NCALD: variants seen among roughly 807,000 people sequenced by gnomAD.
NCALD encodes the protein neurocalcin delta.
In NCALD, 10 loss-of-function variants were observed where a neutral mutation model predicts 18.6. That is an observed-to-expected ratio of 0.54 (90% CI 0.33 to 0.91). NCALD has a LOEUF of 0.91. NCALD is among the 40% of genes least tolerant of loss of function. NCALD has a pLI of 0.03. For missense variants in NCALD, 184 were observed against 247.6 expected (o/e 0.74, Z 1.72); for synonymous variants, 88 against 87.4 (o/e 1.01, Z -0.04).
At chr8:102,084,610 C>T (rs931919153) in intron 1 of NCALD, among the ~76,000 whole-genome samples, 1 of 152,132 alleles carries the variant, frequency 6.6e-6, no homozygotes. Flanking sequence ...GGGAGGGGCG[C>T]CACACGCAAT....
At chr8:101,852,073 A>G (rs574197816) in intron 4 of NCALD, among the ~76,000 whole-genome samples, 5 of 152,130 alleles carry the variant, frequency 3.3e-5, no homozygotes, top group Admixed American at 1.3e-4. Context: ...ATCTTCTGGC[A>G]TCTTGAACTG....
intron 1 of NCALD, among the ~76,000 whole-genome samples, chr8:101,728,806 C>T (rs551943330): frequency 1.7e-4 from 26 of 152,058 alleles, no homozygotes; most frequent in Admixed American, 7.9e-4. Context: ...GGCAACAGAG[C>T]GAGACTCCAT....
In NCALD at chr8:101,692,836, T is replaced by C. The variant is rs376548896; in HGVS notation, c.439A>G (p.Lys147Glu). Residue 147 changes from lysine to glutamate, a missense_variant, in exon 3 of 4, where the codon AAA becomes GAA. Transcript: ENST00000220931. ...KMPEDESTPE[K>E]RTEKIFRQMD... ...TGGCGGAAGATCTTTTCTGTTCTTT[T>C]CTCTGGGGTTGACTCATCTTCAGGC... 9 of 1,613,960 alleles carry C rather than the reference T, an allele frequency of 5.6e-6. No individual in the cohort carries two copies. The highest frequency in any genetic ancestry group is 7.6e-6 in the Non-Finnish European group (9 of 1,179,938).
At chr8:102,041,071 A>G (rs1823034230) in intron 1 of NCALD, among the ~76,000 whole-genome samples, 1 of 152,184 alleles carries the variant, frequency 6.6e-6, no homozygotes, top group African/African-American at 2.4e-5. Flanking sequence ...TAATTTCTCA[A>G]TTCAGGTTTT....
At chr8:101,935,162 T>C (rs764432994) in intron 2 of NCALD, among the ~76,000 whole-genome samples, 13 of 151,148 alleles carry the variant, frequency 8.6e-5, no homozygotes, top group Non-Finnish European at 1.6e-4. Context: ...TAAGAGAAAA[T>C]GTGAAAATTA....
intron 4 of NCALD, among the ~76,000 whole-genome samples, chr8:101,830,551 A>G (rs1422161547): frequency 2.0e-5 from 3 of 151,410 alleles, no homozygotes; most frequent in Non-Finnish European, 4.4e-5. Flanking sequence ...TCCGTCTCAA[A>G]AAAAAAAAAG....
At chr8:101,948,323 A>G (rs1189384258) in intron 2 of NCALD, among the ~76,000 whole-genome samples, 2 of 152,220 alleles carry the variant, frequency 1.3e-5, no homozygotes, top group Non-Finnish European at 2.9e-5. Context: ...GGTGAAGAAG[A>G]AGGAGACCCA....
At chr8:101,857,931 A>G (rs1815384949) in intron 4 of NCALD, among the ~76,000 whole-genome samples, 1 of 152,196 alleles carries the variant, frequency 6.6e-6, no homozygotes, top group Non-Finnish European at 1.5e-5. Context: ...GCAAAGATAC[A>G]AATATATACT....
intron 1 of NCALD, among the ~76,000 whole-genome samples, chr8:101,750,405 T>G (rs1424845849): frequency 6.6e-6 from 1 of 152,120 alleles, no homozygotes; most frequent in African/African-American, 2.4e-5. Flanking sequence ...CCCACCCTGG[T>G]TGTCCAACTG....
At chr8:102,016,810 C>A (rs74664508) in intron 2 of NCALD, among the ~76,000 whole-genome samples, 1,631 of 152,186 alleles carry the variant, frequency 0.011, 32 homozygotes, top group African/African-American at 0.037. Context: ...AATTACAAGA[C>A]ACTCAAAAAA....
chr8:101,732,933 A>G (rs1816908012), intron 1 of NCALD, among the ~76,000 whole-genome samples: 1 of 151,956 alleles, frequency 6.6e-6, no homozygotes, highest in African/African-American at 2.4e-5. Context: ...TTTTATCCTC[A>G]TGATTTCACT....
At chr8:101,799,583 C>T (rs1812763275) in intron 4 of NCALD, among the ~76,000 whole-genome samples, 1 of 152,184 alleles carries the variant, frequency 6.6e-6, no homozygotes, top group South Asian at 2.1e-4. Context: ...TGGAATACTA[C>T]TTAGTACTAA....
chr8:101,733,759 C>T (rs1430793882), intron 1 of NCALD, among the ~76,000 whole-genome samples: 1 of 152,158 alleles, frequency 6.6e-6, no homozygotes, highest in Non-Finnish European at 1.5e-5. Flanking sequence ...CCCGACTCCC[C>T]TCCTCAGATT....
At chr8:102,105,826 G>A (rs1004604510) in intron 1 of NCALD, among the ~76,000 whole-genome samples, 1 of 151,944 alleles carries the variant, frequency 6.6e-6, no homozygotes, top group African/African-American at 2.4e-5. Context: ...CTCCCACTTC[G>A]CACACACCTG....
chr8:101,864,238 T>C lies in NCALD; in HGVS notation c.-20+22903A>G, dbSNP rs142188258. ...TTCAAGTCACCTGTGGAGTTGTGAG[T>C]TCCAGTTTCCTTTCAAGAGGCTAAC... On this transcript the variant is annotated intron_variant, in intron 4 of 6. Transcript: ENST00000311028. Among the ~76,000 whole-genome samples the C allele has an allele frequency of 1.5e-3, 228 of 152,336 alleles. 1 individual carries two copies. The highest frequency in any genetic ancestry group is 4.9e-3 in the African/African-American group (205 of 41,568).
At chr8:101,984,756 G>T (rs962082441) in intron 2 of NCALD, among the ~76,000 whole-genome samples, 6 of 152,184 alleles carry the variant, frequency 3.9e-5, no homozygotes, top group Non-Finnish European at 5.9e-5. Context: ...CAAGATCAAG[G>T]GAGTGGTGAA....
intron 2 of NCALD, among the ~76,000 whole-genome samples, chr8:101,993,547 C>G (rs1821129509): frequency 6.6e-6 from 1 of 152,134 alleles, no homozygotes; most frequent in Non-Finnish European, 1.5e-5. Flanking sequence ...TATTTTACAC[C>G]AGGAAGTCCC....
chr8:102,043,622 G>A (rs371519727), intron 1 of NCALD, among the ~76,000 whole-genome samples: 95 of 150,660 alleles, frequency 6.3e-4, no homozygotes, highest in Non-Finnish European at 1.0e-3. Context: ...GTTAGGAGCT[G>A]TTCATCTCCA....
Position 101,985,344 on chromosome 8 carries a change from C to T in NCALD, c.-157+34893G>A, listed in dbSNP as rs117639006. ...TATGCAGAACAGACCTGAGCCCTCC[C>T]ACCTGGACCAGCTCAGATTAGAGAT... is the stretch of plus-strand genomic sequence containing the variant. On this transcript the variant is annotated intron_variant, in intron 2 of 6. Coordinates refer to the NCALD transcript ENST00000311028. Among the ~76,000 whole-genome samples, 668 of 152,314 alleles carry T rather than the reference C, an allele frequency of 4.4e-3. 3 individuals carry two copies. Among genetic ancestry groups the T allele is most frequent in the Non-Finnish European group, 7.2e-3 (490 of 68,028 alleles).
Sources: allele counts gnomAD v4.1 joint callset (sites outside exome capture counted in the v4.1 genomes callset), GRCh38; gene constraint gnomAD v4.1.1; transcripts MANE v1.5; gene names NCBI Gene and HGNC (gene_info 2026-07-23, HGNC 2026-07-21).